FHIT: variants seen among roughly 807,000 people sequenced by gnomAD.
FHIT encodes the protein fragile histidine triad diadenosine triphosphatase, also known as bis(5'-adenosyl)-triphosphatase.
A neutral mutation model predicts 17.9 loss-of-function variants in FHIT; 19 were observed. That is an observed-to-expected ratio of 1.06 (90% CI 0.74 to 1.56). The LOEUF is 1.56. FHIT is among the 40% of genes most tolerant of loss of function. The probability of loss-of-function intolerance (pLI) is 0.00; values close to 1 mark genes in which losing one functional copy is unlikely to be tolerated. For synonymous variants in FHIT, 81 were observed against 69.7 expected (o/e 1.16, Z -0.81); for missense variants, 248 against 189.2 (o/e 1.31, Z -1.82).
At chr3:61,119,753 CTTA>C (rs1366992241) in intron 2 of FHIT, among the ~76,000 whole-genome samples, 1 of 152,236 alleles carries the variant, frequency 6.6e-6, no homozygotes, top group Non-Finnish European at 1.5e-5. Context: ...TTTGCTCTCT[CTTA>C]TGGAGCAGGG....
chr3:60,333,031 A>G (rs1288984150), intron 5 of FHIT, among the ~76,000 whole-genome samples: 1 of 152,234 alleles, frequency 6.6e-6, no homozygotes, highest in Non-Finnish European at 1.5e-5. Flanking sequence ...AATGAGAACA[A>G]GGAACAAGCT....
chr3:60,732,704 T>TTTTTC, intron 4 of FHIT: 1 of 338,304 alleles, frequency 3.0e-6, no homozygotes, highest in Non-Finnish European at 5.7e-6. Flanking sequence ...TTTTTTTTTT[T>TTTTTC]TTGACAAAGT....
chr3:60,263,988 T>C (rs1305974604), intron 5 of FHIT, among the ~76,000 whole-genome samples: 1 of 151,940 alleles, frequency 6.6e-6, no homozygotes, highest in Admixed American at 6.6e-5. Context: ...ATATTTTTCC[T>C]TTGAATCTAT....
intron 5 of FHIT, among the ~76,000 whole-genome samples, chr3:60,187,032 CG>C (rs1432538457): frequency 3.9e-5 from 6 of 152,018 alleles, no homozygotes; most frequent in African/African-American, 1.4e-4. Context: ...TGAAATAGCT[CG>C]TGATTAGAGC....
At chr3:60,163,235 A>G (rs375193581) in intron 5 of FHIT, among the ~76,000 whole-genome samples, 6 of 152,154 alleles carry the variant, frequency 3.9e-5, no homozygotes, top group African/African-American at 1.2e-4. Flanking sequence ...GCACAGATTC[A>G]AGCCCAGTTG....
chr3:60,102,310 A>G (rs1236766249), intron 5 of FHIT, among the ~76,000 whole-genome samples: 1 of 152,212 alleles, frequency 6.6e-6, no homozygotes, highest in Non-Finnish European at 1.5e-5. Flanking sequence ...GCTGCATTGC[A>G]CAGAAGTCCA....
intron 4 of FHIT, among the ~76,000 whole-genome samples, chr3:60,703,383 C>T (rs77657499): frequency 0.086 from 13,148 of 152,108 alleles, 615 homozygotes; most frequent in Middle Eastern, 0.11. Context: ...AATTACCAAA[C>T]GGTAATTTGT....
chr3:60,122,303 T>C (rs4465902), intron 5 of FHIT, among the ~76,000 whole-genome samples: 22,968 of 152,146 alleles, frequency 0.15, 1,847 homozygotes, highest in South Asian at 0.21. Flanking sequence ...TGATACGTGT[T>C]GTCTGGGGCA....
At chr3:59,913,725 A>G (rs1239955031) in intron 8 of FHIT, among the ~76,000 whole-genome samples, 2 of 152,168 alleles carry the variant, frequency 1.3e-5, no homozygotes, top group Non-Finnish European at 2.9e-5. Flanking sequence ...CTAACCTTAC[A>G]CTAGAAGCCC....
At chr3:60,397,526 C>T (rs1701495210) in intron 5 of FHIT, among the ~76,000 whole-genome samples, 1 of 152,184 alleles carries the variant, frequency 6.6e-6, no homozygotes, top group African/African-American at 2.4e-5. Flanking sequence ...GAAGTTTGGA[C>T]TTGCCATGAG....
intron 5 of FHIT, among the ~76,000 whole-genome samples, chr3:60,396,418 A>C (rs1481549916): frequency 6.6e-6 from 1 of 152,164 alleles, no homozygotes; most frequent in South Asian, 2.1e-4. Flanking sequence ...CTTCAGAATG[A>C]GACAGCGATG....
At chr3:60,687,922 ATTTTTATAGCCTTTGATT>A (rs2040895314) in intron 4 of FHIT, among the ~76,000 whole-genome samples, 1 of 152,026 alleles carries the variant, frequency 6.6e-6, no homozygotes, top group Non-Finnish European at 1.5e-5. Context: ...TGCATTTAAT[ATTTTTATAGCCTTTGATT>A]CTATTTCATC....
At position 60,401,173 on chromosome 3, in the gene FHIT, G is replaced by A; in HGVS notation, c.103+135687C>T. On this transcript the variant is annotated intron_variant, in intron 5 of 9. Transcript: ENST00000492590. ...AGGTTATTTTTGCTTTGCTTGTAGTGATTGCTCAGAAGATTTTTAGTGAAT... is the reference window on the plus strand; with the variant it reads ...AGGTTATTTTTGCTTTGCTTGTAGTAATTGCTCAGAAGATTTTTAGTGAAT... Among the ~76,000 whole-genome samples, 2 of 152,154 alleles carry A rather than the reference G, an allele frequency of 1.3e-5. 1 individual carries two copies. Among genetic ancestry groups the A allele is most frequent in the Non-Finnish European group, 2.9e-5 (2 of 68,016 alleles).
intron 7 of FHIT, among the ~76,000 whole-genome samples, chr3:59,931,894 C>T (rs777819173): frequency 6.6e-6 from 1 of 151,882 alleles, no homozygotes; most frequent in Non-Finnish European, 1.5e-5. Flanking sequence ...TTGCTCCAAG[C>T]CACAATGAGA....
chr3:60,536,660 A>G, intron 5 of FHIT, 200 bp downstream of exon 5: 1 of 479,942 alleles, frequency 2.1e-6, no homozygotes, highest in Non-Finnish European at 3.5e-6. Flanking sequence ...ACATTGATCA[A>G]GCATATTACT....
intron 7 of FHIT, among the ~76,000 whole-genome samples, chr3:59,989,223 G>C (rs1175436272): frequency 6.6e-6 from 1 of 152,032 alleles, no homozygotes; most frequent in East Asian, 1.9e-4. Flanking sequence ...CCTCACTTTA[G>C]CATATGAGGA....
intron 5 of FHIT, among the ~76,000 whole-genome samples, chr3:60,035,019 A>T (rs1044938248): frequency 6.6e-6 from 1 of 152,108 alleles, no homozygotes; most frequent in Non-Finnish European, 1.5e-5. Flanking sequence ...ATAAACCTTA[A>T]CTCATTTTCA....
intron 1 of FHIT, among the ~76,000 whole-genome samples, chr3:61,214,031 C>A (rs1444085500): frequency 1.3e-5 from 2 of 152,096 alleles, no homozygotes; most frequent in Non-Finnish European, 2.9e-5. Context: ...ATTTATAGCA[C>A]TAAATGCCCA....
At chr3:60,810,509 C>T (rs1168772552) in intron 4 of FHIT, among the ~76,000 whole-genome samples, 1 of 152,240 alleles carries the variant, frequency 6.6e-6, no homozygotes, top group East Asian at 1.9e-4. Context: ...GGCAAGCTGA[C>T]AGTTTGCTCA....
Sources: allele counts gnomAD v4.1 joint callset (sites outside exome capture counted in the v4.1 genomes callset), GRCh38; gene constraint gnomAD v4.1.1; transcripts MANE v1.5; gene names NCBI Gene and HGNC (gene_info 2026-07-23, HGNC 2026-07-21).